Variants in KLHL29 observed in about 807,000 individuals in gnomAD.
KLHL29 encodes the protein kelch like family member 29.
A neutral mutation model predicts 80.4 loss-of-function variants in KLHL29; 21 were observed. The ratio of observed to expected loss-of-function variants is 0.26; its 90% CI spans 0.19 to 0.38. KLHL29 has a LOEUF of 0.38. Among genes scored for constraint, KLHL29 ranks in the 10% least tolerant of loss-of-function variants. The pLI is 1.00. For synonymous variants in KLHL29, 511 were observed against 526.8 expected (o/e 0.97, Z 0.41); for missense variants, 867 against 1,223.9 (o/e 0.71, Z 4.35).
chr2:23,668,028 C>G (rs1670602011), intron 5 of KLHL29: 1 of 152,320 alleles, frequency 6.6e-6, no homozygotes, highest in African/African-American at 2.4e-5. Flanking sequence ...TTGCCACGGT[C>G]CTGCCCCTCT....
intron 1 of KLHL29, among the ~76,000 whole-genome samples, chr2:23,414,038 C>CCT (rs879905609): frequency 6.6e-6 from 1 of 152,210 alleles, no homozygotes; most frequent in Non-Finnish European, 1.5e-5. Context: ...TGTGCTGTTC[C>CCT]CCAGATGGAG....
intron 5 of KLHL29, among the ~76,000 whole-genome samples, chr2:23,648,471 C>A (rs549789522): frequency 6.6e-6 from 1 of 152,054 alleles, no homozygotes; most frequent in African/African-American, 2.4e-5. Flanking sequence ...GCTCCCAGGG[C>A]GTCCACCGTG....
Position 23,700,267 on chromosome 2 carries a change from C to T in KLHL29, c.2106-2919C>T, listed in dbSNP as rs1386159814. ...CTCGTGAGATCTGAAGTTAAAATTA[C>T]AGGAACTCTGAGCCAGTTGTTTTAA... On this transcript the variant is annotated intron_variant, in intron 11 of 13. Coordinates refer to ENST00000486442, the MANE Select transcript of KLHL29 (RefSeq NM_052920.2). The surrounding 1 kb of genome is among the most constrained non-coding windows in gnomAD (Gnocchi z 4.6). Among the ~76,000 whole-genome samples the T allele has an allele frequency of 6.6e-6, 1 of 152,186 alleles. No individual in the cohort carries two copies. Among genetic ancestry groups the T allele is most frequent in the Non-Finnish European group, 1.5e-5 (1 of 68,034 alleles).
In KLHL29 at chr2:23,703,849, T is replaced by C. The variant is rs1417056985; in HGVS notation, c.2430T>C (p.Ser810=). The C allele has an allele frequency of 5.2e-6, 8 of 1,536,794 alleles. No homozygotes were observed. The highest frequency in any genetic ancestry group is 2.4e-5 in the East Asian group (1 of 40,920). ...AGGCGGGCCCAAACATGAACCACTC[T>C]CGCCAGTTCTGCAGGTGAGAGGCTG... ...NIKAGPNMNH[S]RQFCSAVVLD... The change falls in exon 13 of 14, where the codon TCT becomes TCC. Residue 810 remains serine (S), a synonymous_variant. Transcript: ENST00000486442.
intron 3 of KLHL29, among the ~76,000 whole-genome samples, chr2:23,601,479 C>A (rs143656336): frequency 1.3e-5 from 2 of 152,286 alleles, no homozygotes; most frequent in South Asian, 2.1e-4. Flanking sequence ...CAAGCCTCCC[C>A]CTCTGTGGTT....
chr2:23,449,206 T>C (rs982270407), intron 1 of KLHL29, among the ~76,000 whole-genome samples: 6 of 152,126 alleles, frequency 3.9e-5, no homozygotes, highest in Non-Finnish European at 8.8e-5. Flanking sequence ...CTTCAGCAGG[T>C]TCACAGCTCT....
At chr2:23,699,174 G>A (rs934593036) in intron 11 of KLHL29, among the ~76,000 whole-genome samples, 4 of 152,186 alleles carry the variant, frequency 2.6e-5, no homozygotes, top group Non-Finnish European at 4.4e-5. Context: ...GCAGAGGCAC[G>A]GGCTCTGGGA....
At chr2:23,672,809 G>A (rs1670803604) in intron 5 of KLHL29, 1 of 152,440 alleles carries the variant, frequency 6.6e-6, no homozygotes, top group Admixed American at 6.5e-5. Flanking sequence ...CCTACGGCCT[G>A]GGAAATTCAG....
chr2:23,404,111 CT>C (rs1666668260), intron 1 of KLHL29, among the ~76,000 whole-genome samples: 1 of 152,178 alleles, frequency 6.6e-6, no homozygotes. Context: ...AAGAAACTTT[CT>C]GTTCCTCAGC....
chr2:23,544,048 T>G (rs950399595), intron 2 of KLHL29, among the ~76,000 whole-genome samples: 6 of 152,174 alleles, frequency 3.9e-5, no homozygotes, highest in African/African-American at 1.4e-4. Flanking sequence ...GCAACCGCTT[T>G]AAGACCCAGG....
chr2:23,588,456 A>T (rs565946228), intron 3 of KLHL29, among the ~76,000 whole-genome samples: 5 of 152,306 alleles, frequency 3.3e-5, no homozygotes, highest in Admixed American at 6.5e-5. Flanking sequence ...TGCTTCAGCC[A>T]CAGGCAAGTC....
chr2:23,386,715 C>G (rs1038269335), intron 1 of KLHL29, among the ~76,000 whole-genome samples: 5 of 152,102 alleles, frequency 3.3e-5, no homozygotes, highest in African/African-American at 1.2e-4. Context: ...CGCGCGGGTG[C>G]CCGCGCTGGG....
At chr2:23,474,532 C>T (rs1191824587) in intron 1 of KLHL29, among the ~76,000 whole-genome samples, 2 of 152,242 alleles carry the variant, frequency 1.3e-5, no homozygotes, top group Admixed American at 6.5e-5. Context: ...ATTTCTTAGT[C>T]GTAAAGAGAA....
rs1018640710 is a variant in KLHL29, at chr2:23,538,059, C to T, written c.-45-24093C>T. 4.6e-5 allele frequency among the ~76,000 whole-genome samples: 7 copies of T among 152,124 alleles called. No individual in the cohort carries two copies. The East Asian group carries it at 5.8e-4, about 13-fold the overall frequency. On this transcript the variant is annotated intron_variant, in intron 2 of 13. Coordinates refer to ENST00000486442, the MANE Select transcript of KLHL29 (RefSeq NM_052920.2). ...TAGAACGAGGGTGGATCACTGAGCC[C>T]GTTTGGCTGGACCCCAGTTAGTATT...
intron 3 of KLHL29, among the ~76,000 whole-genome samples, chr2:23,613,991 C>T (rs1668938980): frequency 6.6e-6 from 1 of 152,086 alleles, no homozygotes; most frequent in Admixed American, 6.5e-5. Context: ...TACATACCTC[C>T]CTCACAAGGA....
chr2:23,491,717 G>T (rs1446241077), intron 2 of KLHL29, among the ~76,000 whole-genome samples: 2 of 152,086 alleles, frequency 1.3e-5, no homozygotes, highest in African/African-American at 4.8e-5. Context: ...CATCCCTAGG[G>T]ATTGGTCCTG....
chr2:23,478,757 C>A (rs1001111942), intron 2 of KLHL29, among the ~76,000 whole-genome samples: 2 of 152,106 alleles, frequency 1.3e-5, no homozygotes, highest in African/African-American at 2.4e-5. Context: ...TCATTGAGGC[C>A]GTCTCAGTAC....
At chr2:23,533,675 C>A (rs548778130) in intron 2 of KLHL29, among the ~76,000 whole-genome samples, 3 of 152,196 alleles carry the variant, frequency 2.0e-5, no homozygotes, top group African/African-American at 7.2e-5. Flanking sequence ...GTGTGAGGAC[C>A]CCCCACTCTC....
chr2:23,489,526 C>T (rs1165412088), intron 2 of KLHL29, among the ~76,000 whole-genome samples: 1 of 152,078 alleles, frequency 6.6e-6, no homozygotes, highest in African/African-American at 2.4e-5. Context: ...AGTCAGAAGT[C>T]CTTGCGTACC....
Sources: gnomAD v4.1 joint callset for allele counts (sites outside exome capture counted in the v4.1 genomes callset) on GRCh38, gnomAD v4.1.1 for gene constraint, Gnocchi (gnomAD v3.1) non-coding constraint, MANE v1.5 for transcripts, NCBI Gene and HGNC (gene_info 2026-07-23, HGNC 2026-07-21) for gene names.